TTC22: variants seen among roughly 807,000 people sequenced by gnomAD.
TTC22 encodes tetratricopeptide repeat domain 22.
Under a neutral mutation model 48.2 loss-of-function variants are expected in TTC22, and 42 were observed. The ratio of observed to expected loss-of-function variants is 0.87; its 90% CI spans 0.68 to 1.13. TTC22 has a LOEUF of 1.13. Ranked by LOEUF, TTC22 falls within the 50% of genes most tolerant of loss-of-function variation. The pLI is 0.00. For synonymous variants in TTC22, 345 were observed against 365.5 expected, an observed-to-expected ratio of 0.94 and a Z score of 0.64; for missense variants, 784 against 807.0, an observed-to-expected ratio of 0.97 and a Z score of 0.34.
chr1:54,789,984 G>A (rs1646337810), intron 1 of TTC22, among the ~76,000 whole-genome samples: 1 of 152,242 alleles, frequency 6.6e-6, no homozygotes, highest in Non-Finnish European at 1.5e-5. Context: ...AAGGAGTGGA[G>A]GGAAGAGCCA....
chr1:54,796,181 T>TGTGTCTGTGCGCGTGCGC (rs1646388814), intron 1 of TTC22, among the ~76,000 whole-genome samples: 1 of 152,258 alleles, frequency 6.6e-6, no homozygotes, highest in African/African-American at 2.4e-5. Context: ...TGCGCGTGTG[T>TGTGTCTGTGCGCGTGCGC]GTGTCTGTGC....
At chr1:54,784,462 G>T in intron 5 of TTC22, 2 of 823,302 alleles carry the variant, frequency 2.4e-6, no homozygotes, top group Non-Finnish European at 2.9e-6. Flanking sequence ...TGCCTCCCTG[G>T]TTCTATGTGG....
chr1:54,801,140 G>T lies in TTC22; in HGVS notation c.24C>A (p.Ala8=). The T allele has an allele frequency of 6.2e-7, 1 of 1,611,122 alleles. No homozygotes were observed. The highest frequency in any genetic ancestry group is 8.5e-7 in the Non-Finnish European group (1 of 1,178,690). ...CGTCGATGAGGGCGTCTAGATCGTC[G>T]GCCACAGCCTCCAGCTCCGCCATGA... The part of the protein sequence containing the change: MAELEAV[A]DDLDALIDDL... The change falls in exon 1 of 7, where the codon GCC becomes GCA. Residue 8 remains alanine, a synonymous_variant. Coordinates refer to ENST00000371276, the MANE Select transcript of TTC22 (RefSeq NM_001114108.2).
chr1:54,801,133 G>T lies in TTC22; in HGVS notation c.31C>A (p.Leu11Ile). Reference sequence around the variant, plus strand: ...TCCAGGTCGTCGATGAGGGCGTCTAGATCGTCGGCCACAGCCTCCAGCTCC... The same window carrying T: ...TCCAGGTCGTCGATGAGGGCGTCTATATCGTCGGCCACAGCCTCCAGCTCC... MAELEAVADD[L>I]DALIDDLDYL... Residue 11 changes from leucine (L) to isoleucine (I), a missense_variant, in exon 1 of 7, where the codon CTA becomes ATA. Transcript: ENST00000371276. 1 of 1,611,176 alleles carries T rather than the reference G, an allele frequency of 6.2e-7. No individual in the cohort carries two copies. Among genetic ancestry groups the T allele is most frequent in the Non-Finnish European group, 8.5e-7 (1 of 1,178,688 alleles).
At chr1:54,785,563 G>T in intron 5 of TTC22, 1 of 452,712 alleles carries the variant, frequency 2.2e-6, no homozygotes, top group Non-Finnish European at 4.4e-6. Context: ...TGGAATTCCA[G>T]CACTTTGGGA....
chr1:54,791,092 T>C (rs575702082), intron 1 of TTC22, among the ~76,000 whole-genome samples: 5 of 152,304 alleles, frequency 3.3e-5, no homozygotes, highest in Admixed American at 6.5e-5. Flanking sequence ...ATTCCTGACC[T>C]CAACTGATCT....
rs1318984235 is a variant in TTC22, at chr1:54,779,876, C to T, written c.*1367G>A. ...ATGAGGGGGTTGGAGTGTGTGGTCT[C>T]TAAGGCACTGAATTTCAGTCTGTTC... On this transcript the variant is annotated 3_prime_UTR_variant, in exon 7 of 7. Coordinates refer to ENST00000371276, the MANE Select transcript of TTC22 (RefSeq NM_001114108.2). 3 of 152,140 alleles carry T rather than the reference C, an allele frequency of 2.0e-5. No individual in the cohort carries two copies. The highest frequency in any genetic ancestry group is 4.4e-5 in the Non-Finnish European group (3 of 68,054). 9.4% of individuals were successfully genotyped at this position (152,140 alleles called of 1,614,324 possible).
At position 54,781,783 on chromosome 1, in the gene TTC22, G is replaced by T. The variant is rs2101436842; in HGVS notation, c.1174-4C>A. On this transcript the variant is annotated splice_region_variant and splice_polypyrimidine_tract_variant and intron_variant, in intron 6 of 6. Coordinates refer to ENST00000371276, the MANE Select transcript of TTC22 (RefSeq NM_001114108.2). ...CCACGCCCATATAGTAGTAGACCTG[G>T]GGTCGGGGACGCGGGGTGAGCCCTT... is the stretch of plus-strand genomic sequence containing the variant. The T allele has an allele frequency of 7.0e-7, 1 of 1,420,098 alleles. No homozygotes were observed. Among genetic ancestry groups the T allele is most frequent in the Non-Finnish European group, 9.2e-7 (1 of 1,089,748 alleles). 88.0% of individuals were successfully genotyped at this position (1,420,098 alleles called of 1,614,324 possible).
At chr1:54,781,882 TC>T in intron 6 of TTC22, 103 bp from the exon 7 acceptor site, 1 of 1,015,298 alleles carries the variant, frequency 9.8e-7, no homozygotes, top group Non-Finnish European at 1.3e-6. Flanking sequence ...CTTCACTCAT[TC>T]CCACCCTCTC....
At chr1:54,786,333 C>G in intron 4 of TTC22, 189 bp from the exon 5 acceptor site, 1 of 554,630 alleles carries the variant, frequency 1.8e-6, no homozygotes, top group Non-Finnish European at 3.2e-6. Context: ...CCTTGGGGCA[C>G]AACCTATTGG....
chr1:54,795,285 T>C (rs1646382362), intron 1 of TTC22, among the ~76,000 whole-genome samples: 1 of 152,182 alleles, frequency 6.6e-6, no homozygotes, highest in African/African-American at 2.4e-5. Context: ...TGCGCACAGG[T>C]GGAGGGAATT....
chr1:54,784,658 C>T, intron 5 of TTC22: 1 of 1,116,728 alleles, frequency 9.0e-7, no homozygotes, highest in South Asian at 2.0e-5. Flanking sequence ...GAAGGAATTT[C>T]ACTCCTGCCT....
chr1:54,787,436 A>G (rs1173533974), intron 3 of TTC22: 1 of 573,242 alleles, frequency 1.7e-6, no homozygotes, highest in Admixed American at 3.1e-5. Flanking sequence ...CAATCTTCTG[A>G]CCATAAATAG....
chr1:54,797,965 C>T (rs1018073749), intron 1 of TTC22, among the ~76,000 whole-genome samples: 10 of 152,232 alleles, frequency 6.6e-5, no homozygotes, highest in African/African-American at 2.4e-4. Flanking sequence ...ACTCTGACTT[C>T]ACCTTCTACC....
intron 3 of TTC22, chr1:54,787,464 T>C (rs1646313094): frequency 5.1e-6 from 3 of 583,116 alleles, no homozygotes; most frequent in Non-Finnish European, 9.2e-6. Context: ...TAGGGGAAAC[T>C]ACCTCTCACC....
intron 1 of TTC22, among the ~76,000 whole-genome samples, chr1:54,789,674 G>A (rs148956168): frequency 1.4e-4 from 21 of 151,568 alleles, no homozygotes; most frequent in African/African-American, 4.8e-4. Context: ...AAGGACAGGA[G>A]AGAAAAGGCA....
Position 54,782,478 on chromosome 1 carries a change from C to A in TTC22, c.1021-1G>T, listed in dbSNP as rs1646270833. ...CATGCAGGTAGGCTCTGATGTGGAT[C>A]TGCCAACAGAGAGCCAGCTTAGGAA... On this transcript the variant is annotated splice_acceptor_variant, in intron 5 of 6. Transcript: ENST00000371276. LOFTEE classifies it high-confidence loss of function. The A allele has an allele frequency of 6.5e-7, 1 of 1,541,924 alleles. No individual in the cohort carries two copies. Among genetic ancestry groups the A allele is most frequent in the South Asian group, 1.2e-5 (1 of 83,364 alleles).
intron 3 of TTC22, chr1:54,787,438 C>T: frequency 1.7e-6 from 1 of 574,386 alleles, no homozygotes; most frequent in South Asian, 2.0e-5. Context: ...ATCTTCTGAC[C>T]ATAAATAGGT....
Position 54,780,022 on chromosome 1 carries a change from G to A in TTC22, c.*1221C>T, listed in dbSNP as rs1646250261. 6.6e-6 allele frequency: 1 copy of A among 152,284 alleles called. No individual in the cohort carries two copies. Among genetic ancestry groups the A allele is most frequent in the Non-Finnish European group, 1.5e-5 (1 of 68,116 alleles). 9.4% of individuals were successfully genotyped at this position (152,284 alleles called of 1,614,324 possible). On this transcript the variant is annotated 3_prime_UTR_variant, in exon 7 of 7. Transcript: ENST00000371276. ...GAATTCCAGCTACTCAGGAGGCTGA[G>A]GTACGAGAATCACTTGAACTTGGGA...
Sources: allele counts gnomAD v4.1 joint callset (sites outside exome capture counted in the v4.1 genomes callset), GRCh38; gene constraint gnomAD v4.1.1; transcripts MANE v1.5; gene names NCBI Gene and HGNC (gene_info 2026-07-23, HGNC 2026-07-21).